Variants in JMJD1C observed in about 807,000 individuals in gnomAD.
JMJD1C encodes the protein jumonji domain-containing protein 1C.
JMJD1C carries 31 observed loss-of-function variants against 245.3 expected under a neutral mutation model. The observed-to-expected ratio is 0.13, with a 90% confidence interval of 0.09 to 0.17. JMJD1C has a LOEUF of 0.17. JMJD1C is among the 10% of genes least tolerant of loss of function. The probability of loss-of-function intolerance (pLI) is 1.00; values close to 1 mark genes in which losing one functional copy is unlikely to be tolerated. For synonymous variants in JMJD1C, 1,057 were observed against 1,017.4 expected, an observed-to-expected ratio of 1.04 and a Z score of -0.74; for missense variants, 2,691 against 3,000.2, an observed-to-expected ratio of 0.90 and a Z score of 2.41.
At chr10:63,357,887 A>C (rs940881725) in intron 2 of JMJD1C, among the ~76,000 whole-genome samples, 2 of 150,468 alleles carry the variant, frequency 1.3e-5, no homozygotes, top group African/African-American at 4.9e-5. Flanking sequence ...TCCTTACATA[A>C]AAAAGCAAGC....
intron 1 of JMJD1C, among the ~76,000 whole-genome samples, chr10:63,497,991 A>C (rs1350711705): frequency 6.6e-6 from 1 of 152,184 alleles, no homozygotes; most frequent in African/African-American, 2.4e-5. Flanking sequence ...GCAACCAATC[A>C]CTATGAGTTG....
At chr10:63,185,531 A>G (rs767965203) in intron 20 of JMJD1C, 32 bp downstream of exon 20, 2 of 1,277,044 alleles carry the variant, frequency 1.6e-6, no homozygotes, top group African/African-American at 1.4e-5. Context: ...TCGATCTCAA[A>G]AAGTCAAGAG....
chr10:63,497,916 TA>T (rs2133238572), intron 1 of JMJD1C, among the ~76,000 whole-genome samples: 1 of 152,144 alleles, frequency 6.6e-6, no homozygotes, highest in East Asian at 1.9e-4. Context: ...TGAGGTGGAA[TA>T]AAAAAATCAA....
upstream of JMJD1C, among the ~76,000 whole-genome samples, chr10:63,467,736 A>G (rs1953357058): frequency 6.6e-6 from 1 of 152,194 alleles, no homozygotes; most frequent in Non-Finnish European, 1.5e-5. Flanking sequence ...TGACTTGGTG[A>G]CAATAATTCA....
intron 1 of JMJD1C, among the ~76,000 whole-genome samples, chr10:63,482,879 AT>A (rs1252691287): frequency 6.6e-6 from 1 of 152,214 alleles, no homozygotes; most frequent in Non-Finnish European, 1.5e-5. Flanking sequence ...TCAATTAACT[AT>A]TGCTAAGAAA....
At chr10:63,284,928 T>G (rs1857822335) in intron 2 of JMJD1C, among the ~76,000 whole-genome samples, 1 of 150,018 alleles carries the variant, frequency 6.7e-6, no homozygotes, top group Non-Finnish European at 1.5e-5. Flanking sequence ...TCGCTGTCTC[T>G]CACACATACA....
chr10:63,345,790 A>C (rs976204224), intron 2 of JMJD1C, among the ~76,000 whole-genome samples: 8 of 152,178 alleles, frequency 5.3e-5, no homozygotes, highest in Non-Finnish European at 1.2e-4. Flanking sequence ...GTACATGGTA[A>C]AATAAATGAA....
chr10:63,241,580 C>T (rs946958764), intron 3 of JMJD1C, among the ~76,000 whole-genome samples: 1 of 152,068 alleles, frequency 6.6e-6, no homozygotes, highest in South Asian at 2.1e-4. Context: ...ATTTAATTTA[C>T]CCTTATAGCC....
At chr10:63,362,458 CAT>C (rs1005700566) in intron 2 of JMJD1C, among the ~76,000 whole-genome samples, 3 of 103,116 alleles carry the variant, frequency 2.9e-5, no homozygotes, top group African/African-American at 5.5e-5. Context: ...TTCAGTTACA[CAT>C]ATATATATTT....
At chr10:63,435,824 A>G (rs748561754) in intron 1 of JMJD1C, among the ~76,000 whole-genome samples, 16 of 152,234 alleles carry the variant, frequency 1.1e-4, no homozygotes, top group Non-Finnish European at 1.6e-4. Context: ...GCTAGAACCC[A>G]GGAGGCAGAA....
intron 2 of JMJD1C, among the ~76,000 whole-genome samples, chr10:63,374,951 A>G (rs2134455491): frequency 6.6e-6 from 1 of 152,306 alleles, no homozygotes; most frequent in African/African-American, 2.4e-5. Context: ...GTATAAGATT[A>G]TATCATCTGT....
intron 1 of JMJD1C, among the ~76,000 whole-genome samples, chr10:63,453,883 C>T (rs182416547): frequency 4.7e-4 from 72 of 152,180 alleles, no homozygotes; most frequent in African/African-American, 1.7e-3. Flanking sequence ...GAACTACACC[C>T]GGCTAATTTT....
chr10:63,312,121 G>A (rs1477431769), intron 2 of JMJD1C, among the ~76,000 whole-genome samples: 2 of 82,710 alleles, frequency 2.4e-5, no homozygotes, highest in African/African-American at 8.7e-5. Flanking sequence ...TTTTTTGTGT[G>A]TGTGAGACGA....
intron 1 of JMJD1C, among the ~76,000 whole-genome samples, chr10:63,499,473 T>A (rs551495122): frequency 6.6e-6 from 1 of 152,328 alleles, no homozygotes; most frequent in South Asian, 2.1e-4. Context: ...CAACAAAACT[T>A]CTAAACTTGT....
intron 2 of JMJD1C, among the ~76,000 whole-genome samples, chr10:63,341,157 AG>A (rs775988102): frequency 1.3e-5 from 2 of 152,206 alleles, no homozygotes; most frequent in African/African-American, 2.4e-5. Context: ...GAAAAACTGA[AG>A]GGAACTATAA....
rs764179629 is a variant in JMJD1C, at chr10:63,193,169, T to C, written c.5863-18A>G. On this transcript the variant is annotated intron_variant, in intron 15 of 25. Coordinates refer to ENST00000399262, the MANE Select transcript of JMJD1C (RefSeq NM_032776.3). ...TGTAAAACCTACAAAGGTAGAACAATTACATTTTTAAACACTTTCTTCAAT... is the reference window on the plus strand; with the variant it reads ...TGTAAAACCTACAAAGGTAGAACAACTACATTTTTAAACACTTTCTTCAAT... The C allele has an allele frequency of 2.5e-6, 4 of 1,589,418 alleles. No homozygotes were observed. The African/African-American group carries it at 4.0e-5, about 16-fold the overall frequency.
intron 22 of JMJD1C, among the ~76,000 whole-genome samples, chr10:63,178,716 G>A (rs1452408730): frequency 6.6e-6 from 1 of 152,092 alleles, no homozygotes; most frequent in African/African-American, 2.4e-5. Context: ...TGGTTTTGAG[G>A]AAAATCAAGC....
chr10:63,290,290 C>T (rs1858492080), intron 2 of JMJD1C, among the ~76,000 whole-genome samples: 1 of 152,070 alleles, frequency 6.6e-6, no homozygotes, highest in African/African-American at 2.4e-5. Context: ...AAATGGTGGC[C>T]AGGCGCGGTG....
chr10:63,354,289 G>A (rs1483140414), intron 2 of JMJD1C, among the ~76,000 whole-genome samples: 1 of 152,180 alleles, frequency 6.6e-6, no homozygotes, highest in African/African-American at 2.4e-5. Flanking sequence ...GAGAAGGGTA[G>A]TCACTAGTTT....
Sources: gnomAD v4.1 joint callset for allele counts (sites outside exome capture counted in the v4.1 genomes callset) on GRCh38, gnomAD v4.1.1 for gene constraint, MANE v1.5 for transcripts, NCBI Gene and HGNC (gene_info 2026-07-23, HGNC 2026-07-21) for gene names.